RALGAPA2: variants seen among roughly 807,000 people sequenced by gnomAD.
RALGAPA2 encodes the protein Ral GTPase activating protein catalytic subunit alpha 2.
RALGAPA2 carries 139 observed loss-of-function variants against 230.4 expected under a neutral mutation model. The ratio of observed to expected loss-of-function variants is 0.60; its 90% confidence interval spans 0.53 to 0.69. The LOEUF is 0.69. Among genes scored for constraint, RALGAPA2 ranks in the 30% least tolerant of loss-of-function variants. The probability of loss-of-function intolerance (pLI) is 0.00; values close to 1 mark genes in which losing one functional copy is unlikely to be tolerated. For missense variants in RALGAPA2, 2,163 were observed against 2,276.0 expected (o/e 0.95, Z 1.01); for synonymous variants, 847 against 837.8 (o/e 1.01, Z -0.19).
At chr20:20,393,620 C>A (rs1181768903) in intron 39 of RALGAPA2, among the ~76,000 whole-genome samples, 1 of 152,140 alleles carries the variant, frequency 6.6e-6, no homozygotes, top group Non-Finnish European at 1.5e-5. Context: ...GCCCGTGAAA[C>A]TTCAGAGGCC....
intron 23 of RALGAPA2, among the ~76,000 whole-genome samples, chr20:20,566,569 A>G (rs144907595): frequency 2.6e-4 from 40 of 152,302 alleles, no homozygotes; most frequent in Admixed American, 1.6e-3. Context: ...TCTTCTCCTT[A>G]CCCTTAATAT....
chr20:20,595,439 C>T lies in RALGAPA2; in HGVS notation c.2204-4125G>A, dbSNP rs574986564. 6.4e-4 allele frequency among the ~76,000 whole-genome samples: 98 copies of T among 152,280 alleles called. 1 individual carries two copies. The highest frequency in any genetic ancestry group is 2.2e-3 in the African/African-American group (91 of 41,554). On this transcript the variant is annotated intron_variant, in intron 16 of 39. Transcript: ENST00000202677. ...AAGATCAAACTTCCCAAGGGTAAAT[C>T]AGACCAGGTCCTGACAAAAAAGCAC...
At chr20:20,414,173 G>A (rs2060120284) in intron 37 of RALGAPA2, among the ~76,000 whole-genome samples, 1 of 152,172 alleles carries the variant, frequency 6.6e-6, no homozygotes. Context: ...TAAACTTATG[G>A]CTGACAACCA....
chr20:20,707,013 C>T (rs191629271), intron 1 of RALGAPA2, among the ~76,000 whole-genome samples: 1 of 152,138 alleles, frequency 6.6e-6, no homozygotes, highest in Non-Finnish European at 1.5e-5. Context: ...TGTCCCACAA[C>T]CCCCCAGACA....
chr20:20,700,944 C>T (rs2069334203), intron 1 of RALGAPA2, among the ~76,000 whole-genome samples: 1 of 152,210 alleles, frequency 6.6e-6, no homozygotes, highest in East Asian at 1.9e-4. Context: ...ACCAGCTCAA[C>T]TCCCCAGTAG....
chr20:20,549,054 T>G (rs187168185), intron 23 of RALGAPA2, among the ~76,000 whole-genome samples: 1 of 152,202 alleles, frequency 6.6e-6, no homozygotes, highest in African/African-American at 2.4e-5. Flanking sequence ...ACCTTGAAGC[T>G]TGTGGGCTTT....
rs1474036595 is a variant in RALGAPA2 at position 20,674,705 on chromosome 20, G to T, written c.270+1531C>A. ...AATTTAAAAACATGGATAAATCTTA[G>T]AATTAATGTTGAGGGTAAAAAGCAT... On this transcript the variant is annotated intron_variant, in intron 3 of 39. Coordinates refer to ENST00000202677, the MANE Select transcript of RALGAPA2 (RefSeq NM_020343.4). Among the ~76,000 whole-genome samples, 5 of 152,192 alleles carry T rather than the reference G, an allele frequency of 3.3e-5. No homozygotes were observed. The East Asian group carries it at 9.6e-4, about 29-fold the overall frequency.
chr20:20,572,927 A>T lies in RALGAPA2; in HGVS notation c.2849T>A (p.Ile950Asn). Residue 950 changes from isoleucine (I) to asparagine (N), a missense_variant, in exon 21 of 40, where the codon ATC becomes AAC. Physicochemically the swap from Ile to Asn is moderately radical, Grantham distance 149 (BLOSUM62 -3). Coordinates refer to ENST00000202677, the MANE Select transcript of RALGAPA2 (RefSeq NM_020343.4). ...GAGATAGCAGAAAACTCTGGCATGGATCTTGGGTGACTGGATGTTATTCAC... is the reference window on the plus strand; with the variant it reads ...GAGATAGCAGAAAACTCTGGCATGGTTCTTGGGTGACTGGATGTTATTCAC... ...GDVNNIQSPK[I>N]HARVFCYLYE... is the part of the protein sequence containing the mutation. 1 of 1,572,276 alleles carries T rather than the reference A, an allele frequency of 6.4e-7. No individual in the cohort carries two copies. Among genetic ancestry groups the T allele is most frequent in the Non-Finnish European group, 8.6e-7 (1 of 1,157,990 alleles).
At chr20:20,529,828 CTG>C (rs1336260019) in intron 27 of RALGAPA2, among the ~76,000 whole-genome samples, 4 of 152,196 alleles carry the variant, frequency 2.6e-5, no homozygotes, top group African/African-American at 9.7e-5. Flanking sequence ...ATGCGTGACT[CTG>C]TGTGTCTGTG....
At chr20:20,409,463 G>C (rs2060016128) in intron 38 of RALGAPA2, among the ~76,000 whole-genome samples, 1 of 152,180 alleles carries the variant, frequency 6.6e-6, no homozygotes, top group South Asian at 2.1e-4. Context: ...CCAAGGCCCT[G>C]CTTTGATGAC....
At chr20:20,548,693 T>C (rs1232122589) in intron 23 of RALGAPA2, among the ~76,000 whole-genome samples, 1 of 152,188 alleles carries the variant, frequency 6.6e-6, no homozygotes. Flanking sequence ...AGCAGATGGA[T>C]GCTGCAGTTT....
intron 1 of RALGAPA2, among the ~76,000 whole-genome samples, chr20:20,696,713 C>T (rs2146955393): frequency 6.6e-6 from 1 of 152,028 alleles, no homozygotes; most frequent in East Asian, 1.9e-4. Context: ...GTTCCTTCTG[C>T]TTAGAACACT....
intron 13 of RALGAPA2, among the ~76,000 whole-genome samples, chr20:20,614,355 CA>C (rs946616253): frequency 3.3e-5 from 5 of 151,788 alleles, no homozygotes; most frequent in African/African-American, 1.2e-4. Context: ...TCAAAAATAT[CA>C]AAAAACTACT....
rs1001712296 is a variant in RALGAPA2 at position 20,392,169 on chromosome 20, A to G, written c.*1120T>C. 6 of 151,576 alleles carry G rather than the reference A, an allele frequency of 4.0e-5. No homozygotes were observed. Among genetic ancestry groups the G allele is most frequent in the African/African-American group, 1.5e-4 (6 of 40,828 alleles). 9.4% of individuals were successfully genotyped at this position (151,576 alleles called of 1,614,324 possible). ...CCATTGCTTCTCTTTTCATTCATTC[A>G]TTCATTTTGTTTTTAAGAAAAAAAA... is the stretch of plus-strand genomic sequence containing the variant. On this transcript the variant is annotated 3_prime_UTR_variant, in exon 40 of 40. Coordinates refer to ENST00000202677, the MANE Select transcript of RALGAPA2 (RefSeq NM_020343.4).
intron 4 of RALGAPA2, 53 bp downstream of exon 4, chr20:20,653,477 A>C (rs2067481085): frequency 1.0e-6 from 1 of 996,712 alleles, no homozygotes. Context: ...AACATTACTG[A>C]AAATTCAACT....
intron 28 of RALGAPA2, among the ~76,000 whole-genome samples, chr20:20,525,424 C>CT (rs1774333796): frequency 6.6e-6 from 1 of 152,174 alleles, no homozygotes; most frequent in African/African-American, 2.4e-5. Flanking sequence ...CTCTAGGTCA[C>CT]TTAAGGTCAA....
chr20:20,687,598 G>A lies in RALGAPA2; in HGVS notation c.107-6797C>T, dbSNP rs116188407. Among the ~76,000 whole-genome samples, 833 of 152,304 alleles carry A rather than the reference G, an allele frequency of 5.5e-3. 7 individuals are homozygous for A. Among genetic ancestry groups the A allele is most frequent in the African/African-American group, 0.019 (788 of 41,564 alleles). On this transcript the variant is annotated intron_variant, in intron 1 of 39. Transcript: ENST00000202677. ...AGTCTGGAGCCAACCCCAGGCAACC[G>A]TCAGTGAGAAGAAGAACCACCCCAG...
intron 24 of RALGAPA2, among the ~76,000 whole-genome samples, chr20:20,545,766 G>T (rs1178847763): frequency 6.6e-6 from 1 of 152,142 alleles, no homozygotes; most frequent in Non-Finnish European, 1.5e-5. Flanking sequence ...TCTCAAAAAG[G>T]CATTAAGATA....
In RALGAPA2 at chr20:20,605,292, C is replaced by T; in HGVS notation, c.1921G>A (p.Ala641Thr). 1.9e-6 allele frequency: 3 copies of T among 1,613,738 alleles called. No homozygotes were observed. The highest frequency in any genetic ancestry group is 1.3e-5 in the African/African-American group (1 of 74,988). The change falls in exon 15 of 40, where the codon GCC (alanine) becomes ACC (threonine). Residue 641 changes from alanine (A) to threonine (T), a missense_variant. Physicochemically the swap from Ala to Thr is moderately conservative, Grantham distance 58 (BLOSUM62 0). Transcript: ENST00000202677. ...GCTGTCAAGGAGTCCATAATGTTGGCCCACTCGTTTATAAGTTCCTCCCAT... is the reference window on the plus strand; with the variant it reads ...GCTGTCAAGGAGTCCATAATGTTGGTCCACTCGTTTATAAGTTCCTCCCAT... Reference protein sequence around the residue: ...TEWEELINEWANIMDSLTAVL... With the variant: ...TEWEELINEWTNIMDSLTAVL...
Sources: gnomAD v4.1 joint callset for allele counts (sites outside exome capture counted in the v4.1 genomes callset) on GRCh38, gnomAD v4.1.1 for gene constraint, MANE v1.5 for transcripts, NCBI Gene and HGNC (gene_info 2026-07-23, HGNC 2026-07-21) for gene names.